The following KLF13 variants were observed in gnomAD, a reference collection of about 807,000 sequenced individuals.
The protein encoded by KLF13 is KLF transcription factor 13.
In KLF13, 8 loss-of-function variants were observed where a neutral mutation model predicts 16.7. The observed-to-expected ratio is 0.48, with a 90% CI of 0.28 to 0.87. KLF13 has a LOEUF of 0.87. KLF13 is among the 40% of genes least tolerant of loss of function. KLF13 has a pLI of 0.10. For missense variants in KLF13, 447 were observed against 452.2 expected, an observed-to-expected ratio of 0.99 and a Z score of 0.10; for synonymous variants, 245 against 208.4, an observed-to-expected ratio of 1.18 and a Z score of -1.51.
chr15:31,387,479 G>C (rs2039807501), intron 1 of KLF13, among the ~76,000 whole-genome samples: 2 of 152,190 alleles, frequency 1.3e-5, no homozygotes, highest in Admixed American at 6.5e-5. Flanking sequence ...ACACTTAATA[G>C]GCTACAGTAT....
downstream of KLF13, among the ~76,000 whole-genome samples, chr15:31,406,369 TG>T (rs1225474482): frequency 1.1e-4 from 16 of 152,056 alleles, no homozygotes; most frequent in Admixed American, 7.9e-4. Context: ...CCCAGCTACT[TG>T]GGAGGCTGAG....
intron 1 of KLF13, among the ~76,000 whole-genome samples, chr15:31,338,662 A>T (rs1224693468): frequency 1.3e-5 from 2 of 152,054 alleles, no homozygotes; most frequent in East Asian, 1.9e-4. Flanking sequence ...TTGGTCCCTG[A>T]TGAGGTACTC....
At chr15:31,345,590 C>T (rs546980278) in intron 1 of KLF13, among the ~76,000 whole-genome samples, 4 of 152,152 alleles carry the variant, frequency 2.6e-5, no homozygotes, top group Non-Finnish European at 4.4e-5. Flanking sequence ...GAGGGTGGGA[C>T]GGAGAAAGCC....
rs1222233195 is a variant in KLF13 at position 31,327,367 on chromosome 15, G to A, written c.155G>A (p.Arg52His). Residue 52 changes from arginine (R) to histidine (H), a missense_variant, in exon 1 of 2, where the codon CGC becomes CAC. Transcript: ENST00000307145. ...ATPTLPRVEE[R>H]RDGKDSASLF... ...CCCACGCTGCCCCGCGTCGAGGAGC[G>A]CCGCGACGGTAAGGACAGCGCCTCG... The A allele has an allele frequency of 1.9e-5, 25 of 1,286,600 alleles. No individual in the cohort carries two copies. Among genetic ancestry groups the A allele is most frequent in the South Asian group, 2.2e-5 (1 of 45,718 alleles). The allele number at this position is 1,286,600 out of a possible 1,614,324, so 79.7% of individuals were successfully genotyped here. A position where few individuals can be genotyped will look rare whatever the true frequency, so the allele number is the denominator to read the frequency against.
intron 1 of KLF13, among the ~76,000 whole-genome samples, chr15:31,354,557 T>C (rs969116250): frequency 7.2e-5 from 11 of 152,138 alleles, no homozygotes; most frequent in Admixed American, 5.9e-4. Flanking sequence ...ATTTTTTGTA[T>C]TTTTAGTAGA....
intron 1 of KLF13, among the ~76,000 whole-genome samples, chr15:31,338,318 ATG>A (rs942788383): frequency 2.6e-5 from 4 of 152,010 alleles, no homozygotes; most frequent in South Asian, 2.1e-4. Context: ...GTGTATGTGT[ATG>A]TGTGTGTGTA....
chr15:31,336,527 T>A (rs1465927434), intron 1 of KLF13, among the ~76,000 whole-genome samples: 3 of 152,220 alleles, frequency 2.0e-5, no homozygotes, highest in African/African-American at 7.2e-5. Context: ...TAAACTTCTC[T>A]GAGCCTTTCT....
intron 1 of KLF13, among the ~76,000 whole-genome samples, chr15:31,355,846 C>T: frequency 6.6e-6 from 1 of 152,032 alleles, no homozygotes; most frequent in Admixed American, 6.5e-5. Flanking sequence ...CCCATTTGTC[C>T]CCACACACCC....
At position 31,395,701 on chromosome 15, in the gene KLF13, C is replaced by G. The variant is rs371529725; in HGVS notation, n.529+2010C>G. Among the ~76,000 whole-genome samples, 88 of 152,294 alleles carry G rather than the reference C, an allele frequency of 5.8e-4. 2 individuals carry two copies. In the South Asian group the frequency reaches 0.018, roughly 31 times the overall value. ...CATCGTCACGGATGTGAAGTGGTAC[C>G]TTATTGTGGTTTTGATTTGCATTTC... is the stretch of plus-strand genomic sequence containing the variant. On this transcript the variant is annotated intron_variant and non_coding_transcript_variant, in intron 2 of 2. Coordinates refer to the KLF13 transcript ENST00000500533.
intron 1 of KLF13, among the ~76,000 whole-genome samples, chr15:31,347,230 C>T (rs1379589054): frequency 6.6e-6 from 1 of 152,198 alleles, no homozygotes; most frequent in Non-Finnish European, 1.5e-5. Context: ...GGCCTGGGAA[C>T]CTCCTGGAGG....
chr15:31,386,876 C>T (rs947110989), intron 1 of KLF13, among the ~76,000 whole-genome samples: 1 of 152,192 alleles, frequency 6.6e-6, no homozygotes, highest in African/African-American at 2.4e-5. Flanking sequence ...AATGGAAGAA[C>T]AAAGCCTGGA....
chr15:31,343,409 T>G (rs2039061236), intron 1 of KLF13, among the ~76,000 whole-genome samples: 1 of 152,166 alleles, frequency 6.6e-6, no homozygotes, highest in Non-Finnish European at 1.5e-5. Context: ...CCTGCAGTCT[T>G]AAGTCTGCAC....
At position 31,373,497 on chromosome 15, in the gene KLF13, T is replaced by C. The variant is rs2039590620; in HGVS notation, c.*1198T>C. ...GGCAACACTTTTCTCAGACCCACCA[T>C]GTCCCCAACTCAGACTTAGCAAACC... On this transcript the variant is annotated 3_prime_UTR_variant, in exon 2 of 2. Coordinates refer to ENST00000307145, the MANE Select transcript of KLF13 (RefSeq NM_015995.4). 2 of 152,258 alleles carry C rather than the reference T, an allele frequency of 1.3e-5. No individual in the cohort carries two copies. Among genetic ancestry groups the C allele is most frequent in the Admixed American group, 1.3e-4 (2 of 15,284 alleles). The allele number at this position is 152,258 out of a possible 1,614,324, so 9.4% of individuals were successfully genotyped here.
chr15:31,396,969 G>C (rs1032095677), intron 2 of KLF13, among the ~76,000 whole-genome samples: 9 of 152,034 alleles, frequency 5.9e-5, no homozygotes, highest in African/African-American at 2.2e-4. Flanking sequence ...GAAGCAAGAT[G>C]GAGTTAGTTA....
intron 1 of KLF13, among the ~76,000 whole-genome samples, chr15:31,351,481 G>T (rs1479123456): frequency 6.6e-6 from 1 of 152,084 alleles, no homozygotes; most frequent in Non-Finnish European, 1.5e-5. Flanking sequence ...CTGAGTGGTT[G>T]CCCCGTGTGC....
intron 1 of KLF13, among the ~76,000 whole-genome samples, chr15:31,364,851 C>T (rs2039441566): frequency 6.6e-6 from 1 of 152,218 alleles, no homozygotes; most frequent in Admixed American, 6.5e-5. Context: ...TAATAAACCA[C>T]TAACATTTCT....
intron 1 of KLF13, among the ~76,000 whole-genome samples, chr15:31,360,248 G>A (rs1046299739): frequency 6.6e-6 from 1 of 152,240 alleles, no homozygotes; most frequent in Non-Finnish European, 1.5e-5. Context: ...ATACAGGGAG[G>A]AAGGTGTGGG....
intron 1 of KLF13, among the ~76,000 whole-genome samples, chr15:31,344,082 C>G (rs559903343): frequency 1.3e-5 from 2 of 152,232 alleles, no homozygotes; most frequent in South Asian, 2.1e-4. Context: ...GGGATGTTTT[C>G]CAACCCCCTG....
At chr15:31,388,765 C>CAA (rs11310230), upstream of KLF13, among the ~76,000 whole-genome samples, 19 of 106,194 alleles carry the variant, frequency 1.8e-4, 4 homozygotes, top group African/African-American at 2.7e-4. Context: ...TAAAAAATCC[C>CAA]AAAAAAAAAA....
Sources: gnomAD v4.1 joint callset for allele counts (sites outside exome capture counted in the v4.1 genomes callset) on GRCh38, gnomAD v4.1.1 for gene constraint, MANE v1.5 for transcripts, NCBI Gene and HGNC (gene_info 2026-07-23, HGNC 2026-07-21) for gene names.